RBM33: variants seen among roughly 807,000 people sequenced by gnomAD.
RBM33 encodes the protein RNA-binding protein 33.
A neutral mutation model predicts 132.6 loss-of-function variants in RBM33; 28 were observed. The observed-to-expected ratio is 0.21, with a 90% CI of 0.16 to 0.29. The LOEUF (loss-of-function observed/expected upper bound fraction) is 0.29. RBM33 is among the 10% of genes least tolerant of loss of function. The pLI, the probability that RBM33 is intolerant of heterozygous loss-of-function variation, is 1.00. For missense variants in RBM33, 1,291 were observed against 1,518.5 expected (o/e 0.85, Z 2.49); for synonymous variants, 634 against 593.0 (o/e 1.07, Z -1.01).
At chr7:155,764,393 G>A (rs1448431647) in intron 15 of RBM33, among the ~76,000 whole-genome samples, 2 of 152,296 alleles carry the variant, frequency 1.3e-5, no homozygotes, top group Admixed American at 6.5e-5. Flanking sequence ...GTGAAATCAA[G>A]TGCATGCTCA....
At chr7:155,658,384 A>ATTTT (rs71303950) in intron 1 of RBM33, among the ~76,000 whole-genome samples, 4 of 122,870 alleles carry the variant, frequency 3.3e-5, no homozygotes, top group South Asian at 2.6e-4. Context: ...ATATAGTTGG[A>ATTTT]TTTTTTTTTT....
At chr7:155,663,209 CT>C (rs11441610) in intron 1 of RBM33, among the ~76,000 whole-genome samples, 47 of 143,684 alleles carry the variant, frequency 3.3e-4, no homozygotes, top group Admixed American at 8.2e-4. Flanking sequence ...TTCTTTCTTT[CT>C]TTTTTTTTTT....
intron 12 of RBM33, among the ~76,000 whole-genome samples, chr7:155,740,400 CTCTG>C (rs1801292977): frequency 6.6e-6 from 1 of 152,106 alleles, no homozygotes; most frequent in Non-Finnish European, 1.5e-5. Context: ...TATAGATTAT[CTCTG>C]TCTTTTTGGT....
chr7:155,764,648 C>G (rs1408150640), intron 15 of RBM33, among the ~76,000 whole-genome samples: 2 of 152,212 alleles, frequency 1.3e-5, no homozygotes, highest in East Asian at 1.9e-4. Context: ...CCCTCAGCTT[C>G]TAGTGAGGCA....
chr7:155,766,614 G>A lies in RBM33; in HGVS notation c.3334G>A (p.Ala1112Thr). Residue 1112 changes from alanine to threonine, a missense_variant, in exon 16 of 18, where the codon GCC (alanine) becomes ACC (threonine). This residue lies in a region of RBM33 where 55 missense variants were observed against 101.4 expected (regional missense o/e 0.54). Transcript: ENST00000401878. The stretch of plus-strand genomic sequence containing the variant: ...GGGGCTGTCCTCGTCCACCACGGAT[G>A]CCCAGCTGAAGAGCCTGCTGATGTC... Reference protein sequence around the residue: ...VEGLSSSTTDAQLKSLLMSVG... With the variant: ...VEGLSSSTTDTQLKSLLMSVG... The A allele has an allele frequency of 6.2e-7, 1 of 1,612,436 alleles. No individual in the cohort carries two copies. The highest frequency in any genetic ancestry group is 8.5e-7 in the Non-Finnish European group (1 of 1,179,304).
chr7:155,748,524 A>G (rs989345894), intron 14 of RBM33, among the ~76,000 whole-genome samples: 2 of 152,162 alleles, frequency 1.3e-5, no homozygotes, highest in African/African-American at 4.8e-5. Context: ...CTGTGAGTGT[A>G]CTCATGTCTG....
rs1318349031 is a variant in RBM33, at chr7:155,696,353, CAT to C, written c.568-4417_568-4416del. Reference sequence around the variant, plus strand: ...TGGGAGACACTAACATCTTAATAATCATATTGCCTGTTAATAATGACAGTTTT... The same window carrying C: ...TGGGAGACACTAACATCTTAATAATCATTGCCTGTTAATAATGACAGTTTT... On this transcript the variant is annotated intron_variant, in intron 5 of 17. Coordinates refer to ENST00000401878, the MANE Select transcript of RBM33 (RefSeq NM_053043.3). Among the ~76,000 whole-genome samples the C allele has an allele frequency of 2.6e-5, 4 of 152,148 alleles. No homozygotes were observed. The East Asian group carries it at 7.7e-4, about 29-fold the overall frequency.
chr7:155,706,078 T>C (rs6970422), intron 6 of RBM33, among the ~76,000 whole-genome samples: 5,017 of 152,314 alleles, frequency 0.033, 259 homozygotes, highest in African/African-American at 0.11. Context: ...ATCGGGAATT[T>C]GTGTTCTTGC....
intron 5 of RBM33, among the ~76,000 whole-genome samples, chr7:155,696,194 A>G (rs1799790170): frequency 6.6e-6 from 1 of 152,180 alleles, no homozygotes. Flanking sequence ...CACTAATTTT[A>G]TTCTTCCTTT....
intron 5 of RBM33, among the ~76,000 whole-genome samples, chr7:155,691,502 T>G: frequency 6.6e-6 from 1 of 152,372 alleles, no homozygotes; most frequent in East Asian, 1.9e-4. Context: ...ATTTTAGTTT[T>G]TAGATAACAA....
intron 5 of RBM33, among the ~76,000 whole-genome samples, chr7:155,699,188 A>G (rs1799885846): frequency 6.6e-6 from 1 of 152,184 alleles, no homozygotes; most frequent in African/African-American, 2.4e-5. Context: ...ACTTTGTAGA[A>G]TCTTTGCTTT....
Position 155,719,942 on chromosome 7 carries a change from T to C in RBM33, c.1260+1499T>C, listed in dbSNP as rs533456356. Among the ~76,000 whole-genome samples the C allele has an allele frequency of 5.9e-5, 9 of 152,356 alleles. No individual in the cohort carries two copies. In the East Asian group the frequency reaches 1.7e-3, roughly 29 times the overall value. On this transcript the variant is annotated intron_variant, in intron 9 of 17. Coordinates refer to ENST00000401878, the MANE Select transcript of RBM33 (RefSeq NM_053043.3). ...ATAGTCAATTGCAATTTTTATTTCA[T>C]TTTTCAGTTGTGCAAGTATAATTGT...
intron 4 of RBM33, 38 bp from the exon 5 acceptor site, chr7:155,680,552 C>G: frequency 7.2e-7 from 1 of 1,391,848 alleles, no homozygotes; most frequent in Non-Finnish European, 9.6e-7. Context: ...CTCCTCTCTT[C>G]ATTGGGTGCT....
At chr7:155,710,765 G>A (rs1399662485) in intron 7 of RBM33, among the ~76,000 whole-genome samples, 1 of 151,612 alleles carries the variant, frequency 6.6e-6, no homozygotes, top group Non-Finnish European at 1.5e-5. Context: ...CTGGAGCAGG[G>A]TAACTGGTGC....
At chr7:155,659,760 A>G (rs1243144344) in intron 1 of RBM33, among the ~76,000 whole-genome samples, 1 of 152,228 alleles carries the variant, frequency 6.6e-6, no homozygotes, top group African/African-American at 2.4e-5. Context: ...CACACTGGAT[A>G]TATTAAAACA....
At position 155,672,907 on chromosome 7, in the gene RBM33, G is replaced by A. The variant is rs1447356740; in HGVS notation, c.163G>A (p.Gly55Ser). ...TTTACTTGGAGAAGATTTGCTATCT[G>A]GCAAAAAGGTAAGAAGTTTATGTCC... ...DDLLGEDLLS[G>S]KKNQSDLSDE... The change falls in exon 3 of 18, where the codon GGC becomes AGC. Residue 55 changes from glycine to serine, a missense_variant. Physicochemically the swap from Gly to Ser is moderately conservative, Grantham distance 56. Transcript: ENST00000401878. The A allele has an allele frequency of 6.5e-7, 1 of 1,546,466 alleles. No individual in the cohort carries two copies.
rs991806047 is a variant in RBM33 at position 155,707,066 on chromosome 7, G to T, written c.946G>T (p.Val316Leu). 5 of 1,539,120 alleles carry T rather than the reference G, an allele frequency of 3.2e-6. No homozygotes were observed. Among genetic ancestry groups the T allele is most frequent in the African/African-American group, 1.4e-5 (1 of 72,104 alleles). ...GCTGCTTCCTACACAGCCTCCTGTCGTGGTAACTTCAGATTTTCTTGTAGT... is the reference window on the plus strand; with the variant it reads ...GCTGCTTCCTACACAGCCTCCTGTCTTGGTAACTTCAGATTTTCTTGTAGT... ...PALLPTQPPV[V>L]PQAPPPPPPP... Residue 316 changes from valine to leucine, a missense_variant and splice_region_variant, in exon 7 of 18, where the codon GTG becomes TTG. This residue lies in a region of RBM33 where 146 missense variants were observed against 137.1 expected (regional missense o/e 1.07). Coordinates refer to ENST00000401878, the MANE Select transcript of RBM33 (RefSeq NM_053043.3).
At chr7:155,713,279 T>A (rs1800359146) in intron 8 of RBM33, among the ~76,000 whole-genome samples, 1 of 151,926 alleles carries the variant, frequency 6.6e-6, no homozygotes, top group Admixed American at 6.6e-5. Context: ...AGTATAGGGG[T>A]TTGGGCTCAA....
At chr7:155,766,393 C>A in intron 15 of RBM33, 74 bp from the exon 16 acceptor site, 3 of 1,469,600 alleles carry the variant, frequency 2.0e-6, no homozygotes, top group South Asian at 1.2e-5. Context: ...GTTATTTGTT[C>A]ACTTTTATAT....
Sources: gnomAD v4.1 joint callset for allele counts (sites outside exome capture counted in the v4.1 genomes callset) on GRCh38, gnomAD v4.1.1 for gene constraint, gnomAD v4.1.1 regional missense constraint, MANE v1.5 for transcripts, NCBI Gene and HGNC (gene_info 2026-07-23, HGNC 2026-07-21) for gene names.